Variants in ALOX5 observed in about 807,000 individuals in gnomAD.
ALOX5 encodes arachidonate 5-lipoxygenase, also known as polyunsaturated fatty acid 5-lipoxygenase.
A neutral mutation model predicts 87.9 loss-of-function variants in ALOX5; 64 were observed. The observed-to-expected ratio is 0.73, with a 90% confidence interval of 0.60 to 0.90. ALOX5 has a LOEUF of 0.90. Among genes scored for constraint, ALOX5 ranks in the 40% least tolerant of loss-of-function variants. The pLI is 0.00. For missense variants in ALOX5, 822 were observed against 907.5 expected, an observed-to-expected ratio of 0.91 and a Z score of 1.21; for synonymous variants, 388 against 355.1, an observed-to-expected ratio of 1.09 and a Z score of -1.04.
At chr10:45,382,773 C>A in intron 2 of ALOX5, 92 bp downstream of exon 2, 1 of 1,448,798 alleles carries the variant, frequency 6.9e-7, no homozygotes. Flanking sequence ...AGGAATGACA[C>A]TGCTGTGCAG....
intron 3 of ALOX5, among the ~76,000 whole-genome samples, chr10:45,405,369 C>T (rs1840839366): frequency 6.6e-6 from 1 of 152,362 alleles, no homozygotes; most frequent in East Asian, 1.9e-4. Context: ...CTAAAAATCC[C>T]TAAGACCTTG....
intron 2 of ALOX5, among the ~76,000 whole-genome samples, chr10:45,388,824 G>A (rs900096673): frequency 6.6e-6 from 1 of 152,224 alleles, no homozygotes; most frequent in African/African-American, 2.4e-5. Context: ...CGCGAGTGGT[G>A]GAACAAAGCT....
intron 4 of ALOX5, among the ~76,000 whole-genome samples, chr10:45,419,014 C>G (rs1379248847): frequency 2.6e-5 from 4 of 152,168 alleles, no homozygotes; most frequent in African/African-American, 7.2e-5. Flanking sequence ...GGGGCAGCTC[C>G]GGGAAGGGTG....
At chr10:45,394,837 C>T (rs1223586466) in intron 2 of ALOX5, among the ~76,000 whole-genome samples, 1 of 152,154 alleles carries the variant, frequency 6.6e-6, no homozygotes, top group African/African-American at 2.4e-5. Flanking sequence ...TTTATGCAGC[C>T]AACAGACACA....
At chr10:45,442,958 C>T (rs1331031741) in intron 9 of ALOX5, 80 bp from the exon 10 acceptor site, 1 of 1,481,988 alleles carries the variant, frequency 6.7e-7, no homozygotes. Flanking sequence ...CCTCGCCTCC[C>T]CTGGCACATT....
intron 4 of ALOX5, among the ~76,000 whole-genome samples, chr10:45,423,473 C>T (rs1841581144): frequency 6.6e-6 from 1 of 152,188 alleles, no homozygotes; most frequent in Non-Finnish European, 1.5e-5. Context: ...CCAGGAAGCC[C>T]TGGGGATTGC....
chr10:45,411,755 G>A (rs551668440), intron 3 of ALOX5, among the ~76,000 whole-genome samples: 73 of 152,326 alleles, frequency 4.8e-4, no homozygotes, highest in African/African-American at 1.6e-3. Context: ...GGACATGCAC[G>A]CAGTCCAGGG....
At chr10:45,379,811 G>A (rs751164211) in intron 1 of ALOX5, among the ~76,000 whole-genome samples, 6 of 152,148 alleles carry the variant, frequency 3.9e-5, no homozygotes, top group Non-Finnish European at 8.8e-5. Flanking sequence ...ATGAAGCAAT[G>A]TGCCCAGGCC....
At chr10:45,406,449 CT>C (rs1406879006) in intron 3 of ALOX5, among the ~76,000 whole-genome samples, 2 of 152,192 alleles carry the variant, frequency 1.3e-5, no homozygotes, top group African/African-American at 4.8e-5. Flanking sequence ...TTACTTTGAA[CT>C]TCACATAACT....
At chr10:45,378,089 C>T (rs1353767855) in intron 1 of ALOX5, among the ~76,000 whole-genome samples, 2 of 152,170 alleles carry the variant, frequency 1.3e-5, no homozygotes, top group Non-Finnish European at 2.9e-5. Flanking sequence ...CCTCCCAGTT[C>T]CCCACATCTG....
intron 9 of ALOX5, among the ~76,000 whole-genome samples, chr10:45,441,895 G>A (rs1274557990): frequency 6.6e-6 from 1 of 151,622 alleles, no homozygotes; most frequent in Non-Finnish European, 1.5e-5. Flanking sequence ...CCCAGCCCTC[G>A]CATCCCTCAG....
At chr10:45,380,242 C>T (rs1240784929) in intron 1 of ALOX5, among the ~76,000 whole-genome samples, 1 of 152,236 alleles carries the variant, frequency 6.6e-6, no homozygotes, top group Non-Finnish European at 1.5e-5. Context: ...TGTCGTGGGG[C>T]CGAGGCTGGT....
intron 1 of ALOX5, among the ~76,000 whole-genome samples, chr10:45,375,489 A>G (rs1256573211): frequency 6.6e-6 from 1 of 152,220 alleles, no homozygotes; most frequent in Non-Finnish European, 1.5e-5. Flanking sequence ...TGGACCAAAA[A>G]GATTTAGACT....
intron 2 of ALOX5, among the ~76,000 whole-genome samples, chr10:45,390,077 A>T (rs1840158499): frequency 6.6e-6 from 1 of 152,176 alleles, no homozygotes; most frequent in South Asian, 2.1e-4. Flanking sequence ...ACCAACAAAG[A>T]TCAAAAGAGA....
At chr10:45,408,912 G>C (rs975098001) in intron 3 of ALOX5, among the ~76,000 whole-genome samples, 3 of 152,124 alleles carry the variant, frequency 2.0e-5, no homozygotes, top group African/African-American at 7.2e-5. Flanking sequence ...ATAATTAGTT[G>C]TCGAATGAAC....
In ALOX5 at chr10:45,393,638, T is replaced by C. The variant is rs550075580; in HGVS notation, c.350-2217T>C. Among the ~76,000 whole-genome samples the C allele has an allele frequency of 2.6e-3, 393 of 152,208 alleles. 1 individual carries two copies. Among genetic ancestry groups the C allele is most frequent in the African/African-American group, 8.6e-3 (359 of 41,512 alleles). ...GCAGGAGAAAGAAATAAAGGGTATT[T>C]AATTAGGAAAAGAGGAAGTCAAATT... is the stretch of plus-strand genomic sequence containing the variant. On this transcript the variant is annotated intron_variant, in intron 2 of 13. Transcript: ENST00000374391.
At chr10:45,378,481 G>A (rs773438555) in intron 1 of ALOX5, among the ~76,000 whole-genome samples, 3 of 152,190 alleles carry the variant, frequency 2.0e-5, no homozygotes, top group African/African-American at 4.8e-5. Flanking sequence ...GGTGTCCACT[G>A]TTGATAGTGC....
rs116356837 is a variant in ALOX5 at position 45,375,095 on chromosome 10, C to G, written c.150+666C>G. Among the ~76,000 whole-genome samples, 882 of 152,274 alleles carry G rather than the reference C, an allele frequency of 5.8e-3. 9 individuals carry two copies. The highest frequency in any genetic ancestry group is 0.02 in the African/African-American group (826 of 41,550). ...GGTGGCTCAGACGGCACCTGGGCAGCTTACATTCTCAGGACAGTCCCCAGA... is the reference window on the plus strand; with the variant it reads ...GGTGGCTCAGACGGCACCTGGGCAGGTTACATTCTCAGGACAGTCCCCAGA... On this transcript the variant is annotated intron_variant, in intron 1 of 13. Transcript: ENST00000374391.
intron 3 of ALOX5, among the ~76,000 whole-genome samples, chr10:45,398,522 C>T (rs1228497108): frequency 2.0e-5 from 3 of 152,150 alleles, no homozygotes; most frequent in African/African-American, 4.8e-5. Flanking sequence ...ATCAAATTTA[C>T]AAACCTTTAT....
Sources: gnomAD v4.1 joint callset for allele counts (sites outside exome capture counted in the v4.1 genomes callset) on GRCh38, gnomAD v4.1.1 for gene constraint, MANE v1.5 for transcripts, NCBI Gene and HGNC (gene_info 2026-07-23, HGNC 2026-07-21) for gene names.